ARPP21: variants seen among roughly 807,000 people sequenced by gnomAD.
ARPP21 encodes cAMP regulated phosphoprotein 21, also known as cAMP-regulated phosphoprotein 21.
In ARPP21, 69 loss-of-function variants were observed where a neutral mutation model predicts 113.2. The ratio of observed to expected loss-of-function variants is 0.61; its 90% CI spans 0.50 to 0.74. The LOEUF is 0.74. ARPP21 is among the 30% of genes least tolerant of loss of function. The pLI is 0.00. For synonymous variants in ARPP21, 368 were observed against 375.5 expected (o/e 0.98, Z 0.23); for missense variants, 1,070 against 1,037.4 (o/e 1.03, Z -0.43).
rs17754387 is a variant in ARPP21 at position 35,709,926 on chromosome 3, G to C, written c.897+856G>C. The stretch of plus-strand genomic sequence containing the variant: ...TCTCCTGCTGTGATCTGCTTCTGGA[G>C]ACAACACAAAGCCAGCCCAGAGAAG... On this transcript the variant is annotated intron_variant, in intron 11 of 20. Coordinates refer to ENST00000684406, the MANE Select transcript of ARPP21 (RefSeq NM_001385562.1). 4.6e-5 allele frequency among the ~76,000 whole-genome samples: 7 copies of C among 152,258 alleles called. 1 individual carries two copies. The East Asian group carries it at 9.7e-4, about 21-fold the overall frequency.
intron 9 of ARPP21, among the ~76,000 whole-genome samples, chr3:35,694,219 T>G (rs897621107): frequency 6.6e-6 from 1 of 151,532 alleles, no homozygotes; most frequent in African/African-American, 2.4e-5. Flanking sequence ...AATATTCAGA[T>G]CATAACAATA....
intron 19 of ARPP21, among the ~76,000 whole-genome samples, chr3:35,792,002 T>G (rs1246176300): frequency 6.6e-6 from 1 of 152,168 alleles, no homozygotes. Flanking sequence ...TAAAATAACT[T>G]GATAATCTGT....
At chr3:35,716,553 A>C (rs2092430427) in intron 12 of ARPP21, among the ~76,000 whole-genome samples, 1 of 152,074 alleles carries the variant, frequency 6.6e-6, no homozygotes, top group African/African-American at 2.4e-5. Context: ...CAAAGTCCAT[A>C]TATATTTAGA....
At chr3:35,771,057 T>C (rs2151510145) in intron 19 of ARPP21, among the ~76,000 whole-genome samples, 1 of 152,316 alleles carries the variant, frequency 6.6e-6, no homozygotes, top group Non-Finnish European at 1.5e-5. Flanking sequence ...ATATGCACCT[T>C]GCTCAAAGCT....
At chr3:35,695,491 T>C (rs1483256764) in intron 9 of ARPP21, among the ~76,000 whole-genome samples, 1 of 151,532 alleles carries the variant, frequency 6.6e-6, no homozygotes, top group Non-Finnish European at 1.5e-5. Context: ...TCAGTCCTCT[T>C]AAAACTTGAA....
chr3:35,685,141 T>C (rs2080170493), intron 5 of ARPP21: 9 of 985,430 alleles, frequency 9.1e-6, no homozygotes, highest in Non-Finnish European at 1.1e-5. Flanking sequence ...AAGGACAGCC[T>C]TTATAGACTT....
At chr3:35,676,822 T>G (rs925825661) in intron 1 of ARPP21, among the ~76,000 whole-genome samples, 2 of 151,944 alleles carry the variant, frequency 1.3e-5, no homozygotes, top group African/African-American at 4.8e-5. Flanking sequence ...TTTTAAAGGT[T>G]CAAAATCTTT....
At chr3:35,698,653 C>T (rs940494890) in intron 9 of ARPP21, among the ~76,000 whole-genome samples, 1 of 151,350 alleles carries the variant, frequency 6.6e-6, no homozygotes, top group African/African-American at 2.4e-5. Context: ...TGACTCTTCT[C>T]CTAAAGTTAG....
intron 11 of ARPP21, among the ~76,000 whole-genome samples, chr3:35,709,647 T>C (rs2150047472): frequency 6.6e-6 from 1 of 152,328 alleles, no homozygotes; most frequent in East Asian, 1.9e-4. Flanking sequence ...ATGGTTGGAA[T>C]TTTTTATCTT....
chr3:35,727,049 A>T (rs899714846), intron 14 of ARPP21, among the ~76,000 whole-genome samples: 5 of 152,320 alleles, frequency 3.3e-5, no homozygotes, highest in East Asian at 3.9e-4. Context: ...CATTTTCAAT[A>T]TTCTTTTTAC....
intron 10 of ARPP21, among the ~76,000 whole-genome samples, chr3:35,708,211 G>A (rs1435314751): frequency 6.6e-6 from 1 of 152,114 alleles, no homozygotes; most frequent in Non-Finnish European, 1.5e-5. Flanking sequence ...TGTGGTTAGT[G>A]CAGAGCAGTT....
At chr3:35,770,418 C>G (rs1473161940) in intron 19 of ARPP21, among the ~76,000 whole-genome samples, 1 of 152,180 alleles carries the variant, frequency 6.6e-6, no homozygotes, top group East Asian at 1.9e-4. Context: ...CAGGCTGCCT[C>G]CAATCTTAGA....
intron 1 of ARPP21, among the ~76,000 whole-genome samples, chr3:35,645,256 A>C (rs1342361196): frequency 6.6e-6 from 1 of 151,954 alleles, no homozygotes; most frequent in African/African-American, 2.4e-5. Context: ...CAATTCTTAA[A>C]TTAGAAATCC....
chr3:35,771,943 AATGT>A (rs549244677), intron 19 of ARPP21, among the ~76,000 whole-genome samples: 31 of 152,212 alleles, frequency 2.0e-4, no homozygotes, highest in Non-Finnish European at 4.1e-4. Context: ...TAATCATGTT[AATGT>A]AGACTGACTT....
chr3:35,665,995 G>A (rs1285242043), intron 1 of ARPP21, among the ~76,000 whole-genome samples: 1 of 152,064 alleles, frequency 6.6e-6, no homozygotes, highest in African/African-American at 2.4e-5. Context: ...ACTGGGCTGT[G>A]CCCATATCCT....
intron 10 of ARPP21, among the ~76,000 whole-genome samples, chr3:35,708,496 C>T (rs1307691081): frequency 1.3e-5 from 2 of 152,208 alleles, no homozygotes; most frequent in East Asian, 3.9e-4. Context: ...CTGTTAATTA[C>T]TTTCTTTGCT....
chr3:35,677,192 G>A (rs1301000779), intron 1 of ARPP21, among the ~76,000 whole-genome samples: 3 of 151,590 alleles, frequency 2.0e-5, no homozygotes, highest in South Asian at 2.1e-4. Context: ...CCCTTTCATC[G>A]GTGAACTAAA....
intron 9 of ARPP21, among the ~76,000 whole-genome samples, chr3:35,699,906 C>A (rs2085648451): frequency 6.6e-6 from 1 of 151,664 alleles, no homozygotes; most frequent in Admixed American, 6.6e-5. Flanking sequence ...ATATGACTGC[C>A]ATATTTGGAA....
chr3:35,661,392 G>A (rs1011923229), intron 1 of ARPP21, among the ~76,000 whole-genome samples: 6 of 151,614 alleles, frequency 4.0e-5, no homozygotes, highest in African/African-American at 1.5e-4. Flanking sequence ...ACAAAAAGAG[G>A]AAAAGAGATA....
Sources: gnomAD v4.1 joint callset for allele counts (sites outside exome capture counted in the v4.1 genomes callset) on GRCh38, gnomAD v4.1.1 for gene constraint, MANE v1.5 for transcripts, NCBI Gene and HGNC (gene_info 2026-07-23, HGNC 2026-07-21) for gene names.